FBXO47: variants seen among roughly 807,000 people sequenced by gnomAD.
The protein encoded by FBXO47 is F-box protein 47, also known as F-box only protein 47.
FBXO47 carries 34 observed loss-of-function variants against 53.9 expected under a neutral mutation model. The ratio of observed to expected loss-of-function variants is 0.63; its 90% CI spans 0.48 to 0.84. The LOEUF is 0.84. FBXO47 is among the 40% of genes least tolerant of loss of function. The pLI is 0.00. For synonymous variants in FBXO47, 165 were observed against 181.6 expected (o/e 0.91, Z 0.73); for missense variants, 485 against 541.3 (o/e 0.90, Z 1.03).
At chr17:38,946,964 A>G (rs1404218111) in intron 6 of FBXO47, among the ~76,000 whole-genome samples, 1 of 116,236 alleles carries the variant, frequency 8.6e-6, no homozygotes, top group Admixed American at 9.7e-5. Flanking sequence ...ATATATAAAC[A>G]TATATAAATA....
chr17:38,952,357 A>G (rs1905337823), intron 5 of FBXO47, among the ~76,000 whole-genome samples: 1 of 152,092 alleles, frequency 6.6e-6, no homozygotes, highest in South Asian at 2.1e-4. Flanking sequence ...ACAAGTCACT[A>G]CTGCCTTATG....
chr17:38,943,158 A>G (rs1235207016), intron 8 of FBXO47, among the ~76,000 whole-genome samples: 1 of 152,154 alleles, frequency 6.6e-6, no homozygotes, highest in Non-Finnish European at 1.5e-5. Flanking sequence ...TCTCCTACAC[A>G]TAGGTCAGCA....
chr17:38,956,085 G>A (rs903872958), intron 4 of FBXO47, among the ~76,000 whole-genome samples: 8 of 149,544 alleles, frequency 5.3e-5, no homozygotes, highest in Non-Finnish European at 7.4e-5. Flanking sequence ...GCAGTGAGCC[G>A]AGATCGCACC....
intron 6 of FBXO47, among the ~76,000 whole-genome samples, chr17:38,945,948 A>AAAAAAAAAAAAAAAAATAT (rs1184511532): frequency 1.7e-5 from 2 of 117,158 alleles, no homozygotes; most frequent in African/African-American, 7.0e-5. Context: ...AAAAAAAAAA[A>AAAAAAAAAAAAAAAAATAT]ATATATATAT....
At position 38,946,967 on chromosome 17, in the gene FBXO47, T is replaced by G. The variant is rs536235623; in HGVS notation, c.617-1831A>C. Among the ~76,000 whole-genome samples, 168 of 115,282 alleles carry G rather than the reference T, an allele frequency of 1.5e-3. 3 individuals carry two copies. The highest frequency in any genetic ancestry group is 0.014 in the South Asian group (48 of 3,494). 75.6% of individuals were successfully genotyped at this position (115,282 alleles called of 152,430 possible). On this transcript the variant is annotated intron_variant, in intron 6 of 10. Coordinates refer to ENST00000378079, the MANE Select transcript of FBXO47 (RefSeq NM_001008777.3). ...AAACATATATAAATATATAAACATA[T>G]ATAAATATATGTAAATATATATAAA...
chr17:38,939,323 A>AAAAAAAT (rs1555559726), intron 9 of FBXO47, among the ~76,000 whole-genome samples: 4 of 50,162 alleles, frequency 8.0e-5, no homozygotes, highest in African/African-American at 2.3e-4. Context: ...AAAAAAAAAA[A>AAAAAAAT]ATATATATAT....
At chr17:38,961,390 G>C (rs1264365317) in intron 3 of FBXO47, among the ~76,000 whole-genome samples, 1 of 152,174 alleles carries the variant, frequency 6.6e-6, no homozygotes, top group Non-Finnish European at 1.5e-5. Context: ...AGATTATACA[G>C]AATTTGCTTT....
intron 5 of FBXO47, among the ~76,000 whole-genome samples, chr17:38,952,040 A>C: frequency 6.6e-6 from 1 of 151,934 alleles, no homozygotes; most frequent in Non-Finnish European, 1.5e-5. Flanking sequence ...AAAACAAACA[A>C]AACAGGCCGG....
At position 38,959,119 on chromosome 17, in the gene FBXO47, C is replaced by T. The variant is rs150071722; in HGVS notation, c.353-1866G>A. ...ATAAAACTCCTATTTTTAAGGATTA[C>T]AACTTACCATAAAACCCAATACTGG... On this transcript the variant is annotated intron_variant, in intron 3 of 10. Transcript: ENST00000378079. Among the ~76,000 whole-genome samples, 321 of 150,682 alleles carry T rather than the reference C, an allele frequency of 2.1e-3. 1 individual carries two copies. The highest frequency in any genetic ancestry group is 7.7e-3 in the African/African-American group (315 of 41,088).
In FBXO47 at chr17:38,960,266, C is replaced by CA. The variant is rs533646620; in HGVS notation, c.352+1610dup. ...TGGGCAACACTGCAAGATCCCATCT[C>CA]AAAAAAAAAAATAGTGAAAACAATA... On this transcript the variant is annotated intron_variant, in intron 3 of 10. Coordinates refer to ENST00000378079, the MANE Select transcript of FBXO47 (RefSeq NM_001008777.3). Among the ~76,000 whole-genome samples the CA allele has an allele frequency of 5.3e-3, 741 of 139,398 alleles. 2 individuals carry two copies. Among genetic ancestry groups the CA allele is most frequent in the African/African-American group, 0.012 (448 of 38,094 alleles). The allele number at this position is 139,398 out of a possible 152,430, so 91.5% of individuals were successfully genotyped here.
Position 38,937,168 on chromosome 17 carries a change from T to C in FBXO47, c.*7A>G. 7.5e-7 allele frequency: 1 copy of C among 1,332,862 alleles called. No homozygotes were observed. Among genetic ancestry groups the C allele is most frequent in the South Asian group, 1.2e-5 (1 of 82,126 alleles). 82.6% of individuals were successfully genotyped at this position (1,332,862 alleles called of 1,614,324 possible). On this transcript the variant is annotated 3_prime_UTR_variant, in exon 11 of 11. Transcript: ENST00000378079. ...GACGTTCTCTAAAGGCAAGGCTTTC[T>C]GAGGATTTAGGTAGACAGAGGAGTA... is the stretch of plus-strand genomic sequence containing the variant.
chr17:38,962,008 A>G lies in FBXO47; in HGVS notation c.221T>C (p.Val74Ala), dbSNP rs2143966674. ...GATATAATTAATAATGTGTTGGCTG[A>G]CTGTTTTGGACACCATGCTTAGCAT... The part of the protein sequence containing the change: ...ISMLSMVSKT[V>A]SQHIINYIST... Residue 74 changes from valine (V) to alanine (A), a missense_variant, in exon 3 of 11, where the codon GTC becomes GCC. Transcript: ENST00000378079. 6.2e-7 allele frequency: 1 copy of G among 1,613,612 alleles called. No individual in the cohort carries two copies. Among genetic ancestry groups the G allele is most frequent in the East Asian group, 2.2e-5 (1 of 44,860 alleles).
At chr17:38,952,262 C>T (rs1055149050) in intron 5 of FBXO47, among the ~76,000 whole-genome samples, 9 of 151,980 alleles carry the variant, frequency 5.9e-5, no homozygotes, top group Admixed American at 3.9e-4. Context: ...GTAGAGGCTG[C>T]GGTGAGCCAA....
chr17:38,963,204 G>C (rs748428722), intron 1 of FBXO47, among the ~76,000 whole-genome samples, 153 bp from the exon 2 acceptor site: 1 of 152,016 alleles, frequency 6.6e-6, no homozygotes, highest in Non-Finnish European at 1.5e-5. Context: ...TTGAGACGGA[G>C]TCTTGCTCTG....
At chr17:38,940,057 TAACTA>T (rs1257073121) in intron 9 of FBXO47, among the ~76,000 whole-genome samples, 1 of 152,022 alleles carries the variant, frequency 6.6e-6, no homozygotes, top group Non-Finnish European at 1.5e-5. Flanking sequence ...TATAGTAGTG[TAACTA>T]AATAATAGCA....
intron 5 of FBXO47, among the ~76,000 whole-genome samples, chr17:38,954,484 C>A (rs889219911): frequency 1.3e-5 from 2 of 152,082 alleles, no homozygotes; most frequent in Admixed American, 6.6e-5. Flanking sequence ...CCTTAAATAA[C>A]CAGCCCAAGA....
chr17:38,946,981 AAT>A (rs71141739), intron 6 of FBXO47, among the ~76,000 whole-genome samples: 39,003 of 128,930 alleles, frequency 0.3, 6,810 homozygotes, highest in South Asian at 0.41. Flanking sequence ...AATATATGTA[AAT>A]ATATATAAAC....
At chr17:38,958,139 CA>C (rs1216483697) in intron 3 of FBXO47, among the ~76,000 whole-genome samples, 3 of 152,008 alleles carry the variant, frequency 2.0e-5, no homozygotes, top group African/African-American at 7.2e-5. Context: ...CAAGCCCAGC[CA>C]ATTTTTAAAA....
chr17:38,961,338 G>A (rs530100475), intron 3 of FBXO47, among the ~76,000 whole-genome samples: 5 of 152,286 alleles, frequency 3.3e-5, no homozygotes, highest in Admixed American at 1.3e-4. Context: ...TGAAATCAAT[G>A]AATGGAGTAA....
Sources: gnomAD v4.1 joint callset for allele counts (sites outside exome capture counted in the v4.1 genomes callset) on GRCh38, gnomAD v4.1.1 for gene constraint, MANE v1.5 for transcripts, NCBI Gene and HGNC (gene_info 2026-07-23, HGNC 2026-07-21) for gene names.